Variants in YES1 observed in about 807,000 individuals in gnomAD.
YES1 encodes the protein YES proto-oncogene 1, Src family tyrosine kinase.
A neutral mutation model predicts 70.4 loss-of-function variants in YES1; 39 were observed. The observed-to-expected ratio is 0.55, with a 90% CI of 0.43 to 0.72. The LOEUF (loss-of-function observed/expected upper bound fraction) is 0.72. Among genes scored for constraint, YES1 ranks in the 30% least tolerant of loss-of-function variants. YES1 has a pLI of 0.00. For synonymous variants in YES1, 198 were observed against 218.6 expected (o/e 0.91, Z 0.83); for missense variants, 495 against 644.8 (o/e 0.77, Z 2.52).
At chr18:741,383 T>A (rs987543064) in intron 8 of YES1, among the ~76,000 whole-genome samples, 2 of 152,022 alleles carry the variant, frequency 1.3e-5, no homozygotes, top group African/African-American at 4.8e-5. Flanking sequence ...AGGGAATACA[T>A]GTGTGTGCAA....
At chr18:770,235 G>T (rs553860255) in intron 1 of YES1, among the ~76,000 whole-genome samples, 1 of 151,528 alleles carries the variant, frequency 6.6e-6, no homozygotes, top group South Asian at 2.1e-4. Context: ...TGGGATTACA[G>T]GTGCTGTGAG....
chr18:773,305 T>C (rs563634404), intron 1 of YES1, among the ~76,000 whole-genome samples: 1 of 152,334 alleles, frequency 6.6e-6, no homozygotes, highest in African/African-American at 2.4e-5. Context: ...CTTTACTTTG[T>C]TCCCTCCTCA....
At chr18:742,662 T>TAG (rs1473459405) in intron 8 of YES1, among the ~76,000 whole-genome samples, 1 of 152,238 alleles carries the variant, frequency 6.6e-6, no homozygotes, top group Non-Finnish European at 1.5e-5. Context: ...TTCACCTTTC[T>TAG]AGCTTTTCCA....
chr18:729,111 A>G (rs1302699082), intron 11 of YES1, among the ~76,000 whole-genome samples: 3 of 152,230 alleles, frequency 2.0e-5, no homozygotes, highest in Admixed American at 6.5e-5. Context: ...GGTTTCATAC[A>G]TTCTGTTCTG....
In YES1 at chr18:724,448, C is replaced by G. The variant is rs2079994045; in HGVS notation, c.1608G>C (p.Gln536His). ...ATTATAAATTTTCTCCTGGCTGGTA[C>G]TGTGGCTCTGTAGCAGTGAAGTAGT... ...LEDYFTATEP[Q>H]YQPGENL The change falls in exon 12 of 12, where the codon CAG becomes CAC. Residue 536 changes from glutamine to histidine, a missense_variant. Gln to His is a conservative substitution (Grantham distance 24, BLOSUM62 0). Around this residue, in one of 2 missense-constraint regions of YES1, gnomAD observed 385 missense variants for 540.9 expected, o/e 0.71. Coordinates refer to ENST00000314574, the MANE Select transcript of YES1 (RefSeq NM_005433.4). The G allele has an allele frequency of 6.2e-7, 1 of 1,614,010 alleles. No homozygotes were observed. Among genetic ancestry groups the G allele is most frequent in the African/African-American group, 1.3e-5 (1 of 74,904 alleles).
chr18:808,081 T>C (rs1329290346), intron 1 of YES1, among the ~76,000 whole-genome samples: 1 of 152,176 alleles, frequency 6.6e-6, no homozygotes, highest in African/African-American at 2.4e-5. Context: ...TACTCTAAAA[T>C]TACAGGATTC....
chr18:811,823 G>A (rs941188589), intron 1 of YES1, among the ~76,000 whole-genome samples: 1 of 152,124 alleles, frequency 6.6e-6, no homozygotes, highest in Non-Finnish European at 1.5e-5. Flanking sequence ...CCAAAGACAA[G>A]GGGTGGGGAG....
intron 1 of YES1, among the ~76,000 whole-genome samples, chr18:786,044 T>C (rs1362633902): frequency 6.6e-6 from 1 of 152,216 alleles, no homozygotes; most frequent in Non-Finnish European, 1.5e-5. Context: ...GTCAGCACTT[T>C]GGTATTGGAC....
intron 1 of YES1, among the ~76,000 whole-genome samples, chr18:780,583 C>A (rs767204778): frequency 1.3e-5 from 2 of 152,104 alleles, no homozygotes; most frequent in African/African-American, 4.8e-5. Flanking sequence ...GAAATAAATT[C>A]CTTTTCTTTA....
At chr18:777,941 C>T (rs1039554519) in intron 1 of YES1, among the ~76,000 whole-genome samples, 17 of 151,920 alleles carry the variant, frequency 1.1e-4, no homozygotes, top group Middle Eastern at 3.4e-3. Context: ...ACAGTTAACA[C>T]ATTATTATGT....
chr18:771,594 G>A (rs1161553481), intron 1 of YES1, among the ~76,000 whole-genome samples: 1 of 152,084 alleles, frequency 6.6e-6, no homozygotes, highest in Non-Finnish European at 1.5e-5. Flanking sequence ...TGTCACACAG[G>A]CTGGAGTGCA....
chr18:793,387 A>G (rs1033808929), intron 1 of YES1, among the ~76,000 whole-genome samples: 31 of 152,158 alleles, frequency 2.0e-4, no homozygotes, highest in African/African-American at 7.2e-4. Context: ...CCCAGGCTAC[A>G]GTGCAGTGGC....
chr18:803,480 CT>C (rs1906928855), intron 1 of YES1, among the ~76,000 whole-genome samples: 1 of 152,186 alleles, frequency 6.6e-6, no homozygotes, highest in Non-Finnish European at 1.5e-5. Context: ...TTCCCAAACC[CT>C]TTTCTACTAT....
intron 11 of YES1, 27 bp from the exon 12 acceptor site, chr18:724,659 G>T: frequency 6.3e-7 from 1 of 1,593,896 alleles, no homozygotes; most frequent in East Asian, 2.2e-5. Context: ...AAACATTAAA[G>T]AACAATGGTC....
chr18:788,008 C>T (rs1055906483), intron 1 of YES1: 3 of 152,290 alleles, frequency 2.0e-5, no homozygotes, highest in Admixed American at 6.5e-5. Context: ...GAAAACAGCA[C>T]GTATATGAGA....
At chr18:809,720 T>C (rs904819606) in intron 1 of YES1, among the ~76,000 whole-genome samples, 9 of 152,136 alleles carry the variant, frequency 5.9e-5, no homozygotes, top group African/African-American at 1.9e-4. Flanking sequence ...CAAGTTATGT[T>C]CTTAAACCAA....
intron 1 of YES1, among the ~76,000 whole-genome samples, chr18:799,075 A>T (rs1460219676): frequency 6.6e-6 from 1 of 152,236 alleles, no homozygotes; most frequent in African/African-American, 2.4e-5. Context: ...CCGTTGGACT[A>T]ACCAGTTTGC....
At chr18:731,550 G>A (rs2080087413) in intron 11 of YES1, among the ~76,000 whole-genome samples, 1 of 152,160 alleles carries the variant, frequency 6.6e-6, no homozygotes, top group African/African-American at 2.4e-5. Context: ...AATTTTATAT[G>A]CTTTCACTCT....
intron 1 of YES1, among the ~76,000 whole-genome samples, chr18:793,568 C>G (rs974385561): frequency 6.6e-6 from 1 of 152,032 alleles, no homozygotes; most frequent in Non-Finnish European, 1.5e-5. Context: ...AACTCCTAGG[C>G]TCAAGTGATC....
Sources: gnomAD v4.1 joint callset for allele counts (sites outside exome capture counted in the v4.1 genomes callset) on GRCh38, gnomAD v4.1.1 for gene constraint, gnomAD v4.1.1 regional missense constraint, MANE v1.5 for transcripts, NCBI Gene and HGNC (gene_info 2026-07-23, HGNC 2026-07-21) for gene names.